ZNF654: variants seen among roughly 807,000 people sequenced by gnomAD.
ZNF654 encodes zinc finger protein 654, also known as melanoma-associated antigen.
In ZNF654, 19 loss-of-function variants were observed where a neutral mutation model predicts 95.3. The ratio of observed to expected loss-of-function variants is 0.20; its 90% CI spans 0.14 to 0.29. ZNF654 has a LOEUF of 0.29. ZNF654 is among the 10% of genes least tolerant of loss of function. ZNF654 has a pLI of 1.00. For synonymous variants in ZNF654, 413 were observed against 457.9 expected (o/e 0.90, Z 1.25); for missense variants, 1,046 against 1,341.0 (o/e 0.78, Z 3.44).
chr3:88,100,770 T>C (rs990846858), intron 2 of ZNF654, among the ~76,000 whole-genome samples: 5 of 149,766 alleles, frequency 3.3e-5, no homozygotes, highest in African/African-American at 7.4e-5. Flanking sequence ...TGAGAACACT[T>C]GGACACAGGA....
chr3:88,072,963 T>TA (rs1438494397), intron 1 of ZNF654, among the ~76,000 whole-genome samples: 5 of 57,082 alleles, frequency 8.8e-5, no homozygotes, highest in Non-Finnish European at 5.3e-5. Context: ...ACTTGACTCT[T>TA]AAAAAAATTG....
At position 88,141,146 on chromosome 3, in the gene ZNF654, G is replaced by A. The variant is rs1036525870; in HGVS notation, c.3379+98G>A. ...TTTGAGATTTAAAAAATTGATATTTGTGTAGCACAGGTAGTGAAGCATTAC... is the reference window on the plus strand; with the variant it reads ...TTTGAGATTTAAAAAATTGATATTTATGTAGCACAGGTAGTGAAGCATTAC... On this transcript the variant is annotated intron_variant, in intron 8 of 8. Transcript: ENST00000636215. 10 of 1,365,778 alleles carry A rather than the reference G, an allele frequency of 7.3e-6. No individual in the cohort carries two copies. In the Admixed American group the frequency reaches 1.3e-4, roughly 17 times the overall value. The allele number at this position is 1,365,778 out of a possible 1,614,324, so 84.6% of individuals were successfully genotyped here.
intron 4 of ZNF654, among the ~76,000 whole-genome samples, chr3:88,126,474 A>AT: frequency 6.6e-6 from 1 of 152,126 alleles, no homozygotes; most frequent in South Asian, 2.1e-4. Flanking sequence ...ATTTCTTGTA[A>AT]TGGAAATTCT....
chr3:88,126,408 T>A (rs1236064330), intron 4 of ZNF654, 139 bp downstream of exon 4: 2 of 1,025,568 alleles, frequency 2.0e-6, no homozygotes, highest in Admixed American at 7.9e-5. Context: ...ACATGAAAAG[T>A]GTTTGTTTTT....
At chr3:88,062,601 T>C (rs1210193164) in intron 1 of ZNF654, among the ~76,000 whole-genome samples, 1 of 152,190 alleles carries the variant, frequency 6.6e-6, no homozygotes, top group African/African-American at 2.4e-5. Context: ...ATACACTGAA[T>C]TTTTTGTCAT....
chr3:88,064,918 T>C (rs1707109356), intron 1 of ZNF654, among the ~76,000 whole-genome samples: 1 of 152,250 alleles, frequency 6.6e-6, no homozygotes, highest in African/African-American at 2.4e-5. Flanking sequence ...TTGCAGTCAC[T>C]TATTTACTTT....
intron 1 of ZNF654, among the ~76,000 whole-genome samples, chr3:88,069,249 C>T (rs1707370670): frequency 1.3e-5 from 2 of 152,076 alleles, no homozygotes; most frequent in Admixed American, 6.5e-5. Flanking sequence ...TGGTGAAACC[C>T]CATCTCTACT....
In ZNF654 at chr3:88,113,706, T is replaced by C. The variant is rs144760237; in HGVS notation, c.414+510T>C. On this transcript the variant is annotated intron_variant, in intron 3 of 8. Transcript: ENST00000636215. The stretch of plus-strand genomic sequence containing the variant: ...GAAAGACATTTGATCTTTTTACTAC[T>C]TACTGGGAAGCAACCCTGACCCACT... Among the ~76,000 whole-genome samples, 399 of 152,240 alleles carry C rather than the reference T, an allele frequency of 2.6e-3. 1 individual carries two copies. The highest frequency in any genetic ancestry group is 9.3e-3 in the African/African-American group (388 of 41,544).
At chr3:88,116,138 T>C (rs956738056) in intron 3 of ZNF654, among the ~76,000 whole-genome samples, 2 of 152,100 alleles carry the variant, frequency 1.3e-5, no homozygotes, top group African/African-American at 4.8e-5. Flanking sequence ...GTCAATCTCA[T>C]TCTTGTTGCT....
chr3:88,144,650 C>A lies in ZNF654; in HGVS notation c.*2998C>A, dbSNP rs1183536277. On this transcript the variant is annotated 3_prime_UTR_variant, in exon 9 of 9. Transcript: ENST00000636215. ...ACATAGATTTGTTCAATAAAACGTC[C>A]TTGTTGGTAATCAAGTGTTCAATTT... 1.3e-5 allele frequency: 2 copies of A among 152,310 alleles called. No individual in the cohort carries two copies. Among genetic ancestry groups the A allele is most frequent in the African/African-American group, 2.4e-5 (1 of 41,402 alleles). 9.4% of individuals were successfully genotyped at this position (152,310 alleles called of 1,614,324 possible).
intron 2 of ZNF654, among the ~76,000 whole-genome samples, chr3:88,098,865 C>T (rs1559708960): frequency 6.6e-6 from 1 of 152,026 alleles, no homozygotes; most frequent in Non-Finnish European, 1.5e-5. Context: ...TATGACAAAC[C>T]CACAGCCAGT....
chr3:88,099,518 A>G (rs982806142), intron 2 of ZNF654, among the ~76,000 whole-genome samples: 1 of 151,530 alleles, frequency 6.6e-6, no homozygotes, highest in African/African-American at 2.4e-5. Context: ...CGCATTGCCA[A>G]GACAATCCTA....
intron 1 of ZNF654, among the ~76,000 whole-genome samples, chr3:88,081,219 A>G (rs1165362169): frequency 1.3e-5 from 2 of 152,218 alleles, no homozygotes; most frequent in East Asian, 3.8e-4. Flanking sequence ...TATTGTTATG[A>G]AGAGATTCAT....
chr3:88,069,514 A>T (rs1707389434), intron 1 of ZNF654, among the ~76,000 whole-genome samples: 1 of 152,224 alleles, frequency 6.6e-6, no homozygotes, highest in South Asian at 2.1e-4. Flanking sequence ...TGGCTCAGTT[A>T]TAACTTTTCT....
In ZNF654 at chr3:88,142,537, G is replaced by A. The variant is rs1707182567; in HGVS notation, c.*885G>A. ...GGTAAAAGCACACTGGGATACTTCTGTTTGTGTATATGTTGGGACATTGCT... is the reference window on the plus strand; with the variant it reads ...GGTAAAAGCACACTGGGATACTTCTATTTGTGTATATGTTGGGACATTGCT... On this transcript the variant is annotated 3_prime_UTR_variant, in exon 9 of 9. Coordinates refer to ENST00000636215, the MANE Select transcript of ZNF654 (RefSeq NM_001350134.2). The A allele has an allele frequency of 6.6e-6, 1 of 152,268 alleles. No homozygotes were observed. The highest frequency in any genetic ancestry group is 6.6e-5 in the Admixed American group (1 of 15,234). 9.4% of individuals were successfully genotyped at this position (152,268 alleles called of 1,614,324 possible). A position where few individuals can be genotyped will look rare whatever the true frequency, so the allele number is the denominator to read the frequency against.
At chr3:88,112,715 G>GA (rs1705166041) in intron 2 of ZNF654, among the ~76,000 whole-genome samples, 1 of 151,806 alleles carries the variant, frequency 6.6e-6, no homozygotes, top group Non-Finnish European at 1.5e-5. Context: ...GTATCACCCT[G>GA]AAAAAAATGA....
At position 88,095,530 on chromosome 3, in the gene ZNF654, G is replaced by C. The variant is rs1454755098; in HGVS notation, c.332+9128G>C. The stretch of plus-strand genomic sequence containing the variant: ...CAGTTCACATTAGCTTCTTTTGCAA[G>C]AACCAGGTCTGCTTCATCTGTCTTT... On this transcript the variant is annotated intron_variant, in intron 2 of 8. Transcript: ENST00000636215. 1.6e-5 allele frequency: 8 copies of C among 491,862 alleles called. No homozygotes were observed. In the East Asian group the frequency reaches 4.1e-4, roughly 25 times the overall value. 30.5% of individuals were successfully genotyped at this position (491,862 alleles called of 1,614,324 possible).
chr3:88,066,815 T>A (rs1183144936), intron 1 of ZNF654, among the ~76,000 whole-genome samples: 1 of 152,106 alleles, frequency 6.6e-6, no homozygotes, highest in Non-Finnish European at 1.5e-5. Context: ...AACAAGAACT[T>A]TACGAAACCT....
At chr3:88,095,870 C>A in intron 2 of ZNF654, 1 of 451,596 alleles carries the variant, frequency 2.2e-6, no homozygotes, top group South Asian at 1.7e-5. Context: ...GCAGATACTC[C>A]ACTTGCCACT....
Sources: gnomAD v4.1 joint callset for allele counts (sites outside exome capture counted in the v4.1 genomes callset) on GRCh38, gnomAD v4.1.1 for gene constraint, MANE v1.5 for transcripts, NCBI Gene and HGNC (gene_info 2026-07-23, HGNC 2026-07-21) for gene names.